SEC22A: variants seen among roughly 807,000 people sequenced by gnomAD.
The protein encoded by SEC22A is SEC22 homolog A, vesicle trafficking protein.
Under a neutral mutation model 35.3 loss-of-function variants are expected in SEC22A, and 22 were observed. The observed-to-expected ratio is 0.62, with a 90% CI of 0.45 to 0.89. SEC22A has a LOEUF of 0.89. SEC22A is among the 40% of genes least tolerant of loss of function. The pLI is 0.00. For missense variants in SEC22A, 354 were observed against 362.5 expected, an observed-to-expected ratio of 0.98 and a Z score of 0.19; for synonymous variants, 119 against 129.5, an observed-to-expected ratio of 0.92 and a Z score of 0.55.
intron 1 of SEC22A, among the ~76,000 whole-genome samples, chr3:123,205,297 T>C (rs909157563): frequency 1.3e-5 from 2 of 152,190 alleles, no homozygotes; most frequent in African/African-American, 4.8e-5. Context: ...ATCTTATCTA[T>C]GGATAAGTAG....
intron 1 of SEC22A, chr3:123,208,796 G>GT (rs1257163460): frequency 5.4e-3 from 955 of 176,948 alleles, no homozygotes; most frequent in South Asian, 0.014. Context: ...TTAGTTTTTT[G>GT]TTTTTTTTTT....
chr3:123,216,665 A>G (rs1237905012), intron 2 of SEC22A, among the ~76,000 whole-genome samples: 1 of 152,180 alleles, frequency 6.6e-6, no homozygotes, highest in African/African-American at 2.4e-5. Flanking sequence ...AAAATGCTAC[A>G]TGTAATGGAC....
intron 5 of SEC22A, among the ~76,000 whole-genome samples, chr3:123,255,886 C>T (rs1937718316): frequency 6.6e-6 from 1 of 151,590 alleles, no homozygotes; most frequent in Non-Finnish European, 1.5e-5. Flanking sequence ...TTAACATCCA[C>T]CCCATATACC....
At chr3:123,212,926 T>C (rs1264670043) in intron 2 of SEC22A, among the ~76,000 whole-genome samples, 2 of 152,180 alleles carry the variant, frequency 1.3e-5, no homozygotes, top group African/African-American at 4.8e-5. Flanking sequence ...GTCCATTGGA[T>C]AAAAACATTG....
At chr3:123,219,343 C>T (rs111381691) in intron 2 of SEC22A, among the ~76,000 whole-genome samples, 2 of 151,978 alleles carry the variant, frequency 1.3e-5, no homozygotes, top group East Asian at 3.9e-4. Context: ...CTCTTAATTT[C>T]GGGAATAAAA....
At chr3:123,211,984 G>A (rs1331926299) in intron 2 of SEC22A, among the ~76,000 whole-genome samples, 1 of 152,144 alleles carries the variant, frequency 6.6e-6, no homozygotes, top group Non-Finnish European at 1.5e-5. Flanking sequence ...TTGAGCCTAG[G>A]AGGTTGAGGC....
intron 4 of SEC22A, among the ~76,000 whole-genome samples, chr3:123,236,190 A>G (rs993211444): frequency 6.6e-6 from 1 of 152,232 alleles, no homozygotes. Flanking sequence ...TATTAATTTT[A>G]TTGAATGTGG....
In SEC22A at chr3:123,209,320, A is replaced by G; in HGVS notation, c.103A>G (p.Lys35Glu). The G allele has an allele frequency of 2.5e-6, 4 of 1,614,074 alleles. No homozygotes were observed. Among genetic ancestry groups the G allele is most frequent in the Non-Finnish European group, 3.4e-6 (4 of 1,179,956 alleles). The stretch of plus-strand genomic sequence containing the variant: ...AAGCACAGGAATGCAGGAGTGCAGA[A>G]AGTATTTTAAAATGCTTTCGAGGAA... ...EQSTGMQECR[K>E]YFKMLSRKLA... is the part of the protein sequence containing the mutation. Residue 35 changes from lysine (K) to glutamate (E), a missense_variant, in exon 2 of 7, where the codon AAG becomes GAG. Lys to Glu is a moderately conservative substitution (Grantham distance 56). Transcript: ENST00000492595.
At position 123,206,329 on chromosome 3, in the gene SEC22A, A is replaced by G. The variant is rs115596034; in HGVS notation, c.-19-2870A>G. On this transcript the variant is annotated intron_variant, in intron 1 of 6. Transcript: ENST00000492595. ...GGTTGGTCTTGAACTCCTGGCCTCA[A>G]GCAGTGTTGGGATTATGGGTATAAG... 2.7e-3 allele frequency among the ~76,000 whole-genome samples: 411 copies of G among 152,262 alleles called. 4 individuals are homozygous for G. Among genetic ancestry groups the G allele is most frequent in the African/African-American group, 9.2e-3 (381 of 41,562 alleles).
intron 6 of SEC22A, among the ~76,000 whole-genome samples, chr3:123,268,542 T>A (rs1938075295): frequency 6.6e-6 from 1 of 152,214 alleles, no homozygotes; most frequent in African/African-American, 2.4e-5. Context: ...GTGTGTCTAC[T>A]CCATCTTCCC....
chr3:123,264,383 C>A (rs1211757318), intron 6 of SEC22A, among the ~76,000 whole-genome samples: 1 of 152,122 alleles, frequency 6.6e-6, no homozygotes, highest in Non-Finnish European at 1.5e-5. Context: ...AACTGAAAAA[C>A]TTTTCCAGAG....
chr3:123,254,347 CT>C (rs1474749879), intron 5 of SEC22A, among the ~76,000 whole-genome samples: 1 of 152,094 alleles, frequency 6.6e-6, no homozygotes, highest in Non-Finnish European at 1.5e-5. Context: ...AGAAAATGTC[CT>C]TTATTTGTTT....
chr3:123,267,684 A>T (rs1035795802), intron 6 of SEC22A, among the ~76,000 whole-genome samples: 1 of 151,486 alleles, frequency 6.6e-6, no homozygotes, highest in Non-Finnish European at 1.5e-5. Context: ...ATGTTTCAAG[A>T]TTCCTTCTTT....
intron 1 of SEC22A, among the ~76,000 whole-genome samples, chr3:123,203,484 A>G (rs1253752814): frequency 6.6e-6 from 1 of 152,222 alleles, no homozygotes; most frequent in Non-Finnish European, 1.5e-5. Flanking sequence ...TACTATTGTC[A>G]TCTTTAAAAC....
At chr3:123,250,861 A>C (rs1248933381) in intron 5 of SEC22A, among the ~76,000 whole-genome samples, 1 of 152,268 alleles carries the variant, frequency 6.6e-6, no homozygotes, top group Non-Finnish European at 1.5e-5. Flanking sequence ...TGGAAAGATA[A>C]GAGACTAATG....
chr3:123,253,158 A>G (rs1418784701), intron 5 of SEC22A, among the ~76,000 whole-genome samples: 1 of 152,206 alleles, frequency 6.6e-6, no homozygotes, highest in East Asian at 1.9e-4. Flanking sequence ...CTGGAAGTTA[A>G]GATACCTGGG....
chr3:123,269,133 A>G (rs745744711), intron 6 of SEC22A, among the ~76,000 whole-genome samples: 6 of 151,646 alleles, frequency 4.0e-5, no homozygotes, highest in Non-Finnish European at 5.9e-5. Flanking sequence ...TATGTGGGGT[A>G]GAGACCTATT....
chr3:123,223,897 T>C (rs563505936), intron 3 of SEC22A, among the ~76,000 whole-genome samples, 175 bp downstream of exon 3: 1 of 152,146 alleles, frequency 6.6e-6, no homozygotes. Context: ...AGAAAAAAAT[T>C]GTGTTTGAGC....
At chr3:123,259,716 C>A (rs1036209833) in intron 6 of SEC22A, 127 bp downstream of exon 6, 9 of 704,624 alleles carry the variant, frequency 1.3e-5, no homozygotes, top group African/African-American at 1.1e-4. Flanking sequence ...TTAATTTGAG[C>A]CTCTTTTAAC....
Sources: gnomAD v4.1 joint callset for allele counts (sites outside exome capture counted in the v4.1 genomes callset) on GRCh38, gnomAD v4.1.1 for gene constraint, MANE v1.5 for transcripts, NCBI Gene and HGNC (gene_info 2026-07-23, HGNC 2026-07-21) for gene names.